Variants in PCDH9 observed in about 807,000 individuals in gnomAD.
The protein encoded by PCDH9 is protocadherin-9.
Under a neutral mutation model 70.6 loss-of-function variants are expected in PCDH9, and 24 were observed. The ratio of observed to expected loss-of-function variants is 0.34; its 90% confidence interval spans 0.25 to 0.48. The LOEUF (loss-of-function observed/expected upper bound fraction) is 0.48. PCDH9 is among the 20% of genes least tolerant of loss of function. The pLI is 0.99. For missense variants in PCDH9, 1,281 were observed against 1,503.6 expected, an observed-to-expected ratio of 0.85 and a Z score of 2.45; for synonymous variants, 562 against 558.5, an observed-to-expected ratio of 1.01 and a Z score of -0.09.
At chr13:66,691,239 T>C (rs905625277) in intron 3 of PCDH9, among the ~76,000 whole-genome samples, 4 of 152,052 alleles carry the variant, frequency 2.6e-5, no homozygotes, top group African/African-American at 9.7e-5. Flanking sequence ...TGTTTCACCA[T>C]GTTGGTCAGG....
chr13:66,862,502 T>C (rs2081501647), intron 3 of PCDH9, among the ~76,000 whole-genome samples: 1 of 152,206 alleles, frequency 6.6e-6, no homozygotes, highest in African/African-American at 2.4e-5. Context: ...CGGACTCCCA[T>C]ATTCTTCTGC....
chr13:66,976,130 A>C (rs1034565154), intron 2 of PCDH9, among the ~76,000 whole-genome samples: 1 of 152,084 alleles, frequency 6.6e-6, no homozygotes, highest in African/African-American at 2.4e-5. Context: ...AAAAATACAC[A>C]AAGTGTCTGC....
chr13:67,180,921 C>A (rs980982554), intron 2 of PCDH9, among the ~76,000 whole-genome samples: 34 of 151,970 alleles, frequency 2.2e-4, no homozygotes, highest in Admixed American at 6.6e-4. Flanking sequence ...TGTATTGTTA[C>A]CTTTTAGCAC....
At position 66,349,244 on chromosome 13, in the gene PCDH9, A is replaced by C. The variant is rs111271061; in HGVS notation, c.3341-44216T>G. Among the ~76,000 whole-genome samples the C allele has an allele frequency of 6.6e-3, 1,003 of 152,242 alleles. 6 individuals are homozygous for C. Among genetic ancestry groups the C allele is most frequent in the African/African-American group, 0.023 (944 of 41,544 alleles). On this transcript the variant is annotated intron_variant, in intron 4 of 4. Coordinates refer to ENST00000377865, the MANE Select transcript of PCDH9 (RefSeq NM_203487.3). ...CTAGACCCTCCCTAAATATTTGTTG[A>C]ATAAATGAGTGCATGAGGGCATGCC... is the stretch of plus-strand genomic sequence containing the variant.
chr13:66,712,664 CT>C (rs1412150156), intron 3 of PCDH9, among the ~76,000 whole-genome samples: 1 of 152,128 alleles, frequency 6.6e-6, no homozygotes, highest in African/African-American at 2.4e-5. Flanking sequence ...GGAAATTATA[CT>C]GTCAGGTGAT....
At chr13:66,977,872 T>C (rs961402781) in intron 2 of PCDH9, among the ~76,000 whole-genome samples, 13 of 152,030 alleles carry the variant, frequency 8.6e-5, no homozygotes, top group African/African-American at 2.9e-4. Context: ...GCATAGAAAA[T>C]AGCTACAAGG....
At chr13:66,879,134 TAA>T (rs1276212200) in intron 3 of PCDH9, among the ~76,000 whole-genome samples, 1 of 152,172 alleles carries the variant, frequency 6.6e-6, no homozygotes, top group Non-Finnish European at 1.5e-5. Flanking sequence ...TCAGCTCATT[TAA>T]AAAGAGTAGA....
chr13:67,094,402 A>G (rs1271763349), intron 2 of PCDH9, among the ~76,000 whole-genome samples: 1 of 152,248 alleles, frequency 6.6e-6, no homozygotes, highest in Non-Finnish European at 1.5e-5. Context: ...GAAAGCTAAT[A>G]GTCATAGGTT....
At chr13:66,925,979 A>C (rs2082711518) in intron 2 of PCDH9, among the ~76,000 whole-genome samples, 1 of 151,998 alleles carries the variant, frequency 6.6e-6, no homozygotes, top group Non-Finnish European at 1.5e-5. Flanking sequence ...TTTCCCAGAG[A>C]ATCTTTAATA....
intron 4 of PCDH9, among the ~76,000 whole-genome samples, chr13:66,539,952 C>T (rs963109651): frequency 2.1e-5 from 3 of 142,824 alleles, no homozygotes; most frequent in East Asian, 2.1e-4. Flanking sequence ...TCACTGCAGC[C>T]TTGACTTTCT....
intron 3 of PCDH9, among the ~76,000 whole-genome samples, chr13:66,726,207 G>GA (rs2079003520): frequency 6.6e-6 from 1 of 152,044 alleles, no homozygotes; most frequent in South Asian, 2.1e-4. Context: ...TTTAAAATTT[G>GA]AAAAAGGCAA....
intron 2 of PCDH9, among the ~76,000 whole-genome samples, chr13:67,198,429 T>C (rs1265803388): frequency 2.6e-5 from 4 of 151,944 alleles, no homozygotes; most frequent in South Asian, 2.1e-4. Context: ...CAGTTTTCTT[T>C]TGAATTCACA....
chr13:66,563,366 G>A (rs1350157681), intron 4 of PCDH9, among the ~76,000 whole-genome samples: 2 of 152,078 alleles, frequency 1.3e-5, no homozygotes, highest in African/African-American at 4.8e-5. Context: ...AAATAGATCC[G>A]TAAATTCACT....
intron 4 of PCDH9, among the ~76,000 whole-genome samples, chr13:66,310,820 A>G (rs1955547904): frequency 6.6e-6 from 1 of 152,152 alleles, no homozygotes; most frequent in African/African-American, 2.4e-5. Flanking sequence ...ATTTTGTTCA[A>G]TTTTTATTAT....
In PCDH9 at chr13:66,821,815, T is replaced by C. The variant is rs1010217540; in HGVS notation, c.3138+81689A>G. The stretch of plus-strand genomic sequence containing the variant: ...AACTGGAAATAATTAGCAACATGTC[T>C]GGAAGATTTAGCTAAGAAACATGTT... On this transcript the variant is annotated intron_variant, in intron 3 of 4. Transcript: ENST00000377865. Among the ~76,000 whole-genome samples the C allele has an allele frequency of 2.0e-5, 3 of 152,298 alleles. No individual in the cohort carries two copies. The East Asian group carries it at 5.8e-4, about 29-fold the overall frequency.
chr13:66,714,587 G>A (rs571746865), intron 3 of PCDH9, among the ~76,000 whole-genome samples: 87 of 152,106 alleles, frequency 5.7e-4, no homozygotes, highest in African/African-American at 2.0e-3. Flanking sequence ...GTATATGACT[G>A]TCTGTCTATC....
At chr13:67,093,501 T>C (rs539240036) in intron 2 of PCDH9, among the ~76,000 whole-genome samples, 2 of 152,104 alleles carry the variant, frequency 1.3e-5, no homozygotes, top group South Asian at 4.2e-4. Context: ...AAAATTAAGA[T>C]TGTCAACTAT....
At chr13:66,809,040 C>A (rs1284739127) in intron 3 of PCDH9, among the ~76,000 whole-genome samples, 1 of 152,180 alleles carries the variant, frequency 6.6e-6, no homozygotes, top group African/African-American at 2.4e-5. Flanking sequence ...CTCCGCCTCC[C>A]AGGTTCACGC....
At position 67,174,280 on chromosome 13, in the gene PCDH9, C is replaced by CAGATGATAGATAGA. The variant is rs1566474240; in HGVS notation, c.3036+51124_3036+51125insTCTATCTATCATCT. ...AGATAGATAGATAGATGATAGATAG[C>CAGATGATAGATAGA]TAGATAGACAGATGATAGATAGATA... is the stretch of plus-strand genomic sequence containing the variant. On this transcript the variant is annotated intron_variant, in intron 2 of 4. Transcript: ENST00000377865. 1.6e-3 allele frequency among the ~76,000 whole-genome samples: 241 copies of CAGATGATAGATAGA among 151,324 alleles called. 2 individuals carry two copies. The highest frequency in any genetic ancestry group is 5.6e-3 in the African/African-American group (231 of 41,032).
Sources: allele counts gnomAD v4.1 joint callset (sites outside exome capture counted in the v4.1 genomes callset), GRCh38; gene constraint gnomAD v4.1.1; transcripts MANE v1.5; gene names NCBI Gene and HGNC (gene_info 2026-07-23, HGNC 2026-07-21).